NBL1: variants seen among roughly 807,000 people sequenced by gnomAD.
NBL1 encodes NBL1, DAN family BMP antagonist.
Under a neutral mutation model 16.0 loss-of-function variants are expected in NBL1, and 9 were observed. The observed-to-expected ratio is 0.56, with a 90% CI of 0.34 to 0.98. The LOEUF (loss-of-function observed/expected upper bound fraction) is 0.98. Among genes scored for constraint, NBL1 ranks in the 50% least tolerant of loss-of-function variants. The pLI is 0.02. For synonymous variants in NBL1, 86 were observed against 100.7 expected (o/e 0.85, Z 0.87); for missense variants, 196 against 243.1 (o/e 0.81, Z 1.29).
At chr1:19,647,872 TGTGTGTGTGTGC>T (rs1558360892) in intron 1 of NBL1, among the ~76,000 whole-genome samples, 6 of 147,732 alleles carry the variant, frequency 4.1e-5, no homozygotes, top group African/African-American at 1.6e-4. Context: ...TGTGCGTGTG[TGTGTGTGTGTGC>T]GTGTGCGCGC....
intron 1 of NBL1, among the ~76,000 whole-genome samples, chr1:19,649,144 C>T (rs2095005817): frequency 6.6e-6 from 1 of 152,062 alleles, no homozygotes; most frequent in South Asian, 2.1e-4. Flanking sequence ...GGTTAACCTG[C>T]TACCCTCCAG....
chr1:19,646,080 C>A lies in NBL1; in HGVS notation c.-20+1634C>A. ...GTTTGGGGGCTGGCACAGAGGTGGT[C>A]AGGGCTGGAAGATGCAGGCAGGCCT... On this transcript the variant is annotated intron_variant, in intron 1 of 3. Transcript: ENST00000375136. 2.6e-6 allele frequency: 4 copies of A among 1,547,254 alleles called. No individual in the cohort carries two copies. The South Asian group carries it at 4.8e-5, about 18-fold the overall frequency.
At position 19,657,371 on chromosome 1, in the gene NBL1, G is replaced by GGC. The variant is rs66480868; in HGVS notation, c.*243_*244insCG. ...CAGAGGTCTTCAGGGCTCTTTTTTTGGGGGGGGTGGTCTCTTCCTGTCTGG... is the reference window on the plus strand; with the variant it reads ...CAGAGGTCTTCAGGGCTCTTTTTTTGGCGGGGGGGTGGTCTCTTCCTGTCTGG... On this transcript the variant is annotated 3_prime_UTR_variant, in exon 4 of 4. Coordinates refer to ENST00000375136, the MANE Select transcript of NBL1 (RefSeq NM_005380.8). The GGC allele has an allele frequency of 1.3e-4, 16 of 126,988 alleles. No homozygotes were observed. The highest frequency in any genetic ancestry group is 4.4e-4 in the Admixed American group (3 of 6,818). 7.9% of individuals were successfully genotyped at this position (126,988 alleles called of 1,614,324 possible).
rs36030380 is a variant in NBL1, at chr1:19,649,347, A to AATTATT, written c.-20+4923_-20+4928dup. On this transcript the variant is annotated intron_variant, in intron 1 of 3. Transcript: ENST00000375136. ...CACGTACACAATGGTGCTGCCATAA[A>AATTATT]ATTATTATTATTATTATTATTATTA... 8.6e-3 allele frequency among the ~76,000 whole-genome samples: 1,273 copies of AATTATT among 148,626 alleles called. 5 individuals are homozygous for AATTATT. The highest frequency in any genetic ancestry group is 0.017 in the Middle Eastern group (5 of 286).
At chr1:19,647,856 TGTGTGTGTGC>T (rs923341730) in intron 1 of NBL1, among the ~76,000 whole-genome samples, 8 of 138,164 alleles carry the variant, frequency 5.8e-5, no homozygotes, top group South Asian at 2.3e-4. Flanking sequence ...GCCTGGTGTG[TGTGTGTGTGC>T]GTGTGTGTGT....
intron 1 of NBL1, chr1:19,645,510 G>A (rs2094973461): frequency 4.0e-6 from 4 of 1,000,750 alleles, no homozygotes; most frequent in Admixed American, 5.3e-5. Flanking sequence ...CTGTAACTAG[G>A]GGCACCCCAG....
intron 3 of NBL1, 141 bp from the exon 4 acceptor site, chr1:19,656,725 C>T: frequency 5.8e-6 from 8 of 1,379,476 alleles, no homozygotes; most frequent in Non-Finnish European, 7.6e-6. Flanking sequence ...TTTCCCCCTC[C>T]CCATGGGACC....
chr1:19,653,001 A>G (rs1331115614), intron 1 of NBL1, among the ~76,000 whole-genome samples: 1 of 141,366 alleles, frequency 7.1e-6, no homozygotes, highest in Non-Finnish European at 1.5e-5. Flanking sequence ...AAAATAGATA[A>G]GTAAGGCCGG....
upstream of NBL1, chr1:19,643,907 C>A (rs187817660): frequency 2.0e-3 from 1,990 of 987,456 alleles, 21 homozygotes; most frequent in African/African-American, 0.032. This position sits in a 1 kb window ranked among gnomAD's most constrained non-coding sequence, Gnocchi z 4.7. Flanking sequence ...AAGGACACAT[C>A]CATCTTTGTC....
At position 19,656,994 on chromosome 1, in the gene NBL1, G is replaced by A; in HGVS notation, c.411G>A (p.Gln137=). The change falls in exon 4 of 4, where the codon CAG becomes CAA. Residue 137 remains glutamine, a synonymous_variant. Transcript: ENST00000375136. ...ACGAGGGGCTGAGCGTCTATGTGCA[G>A]GGCGAGGACGGGCCGGGATCCCAGC... ...PSHEGLSVYV[Q]GEDGPGSQPG... The A allele has an allele frequency of 6.3e-7, 1 of 1,597,732 alleles. No homozygotes were observed. Among genetic ancestry groups the A allele is most frequent in the South Asian group, 1.1e-5 (1 of 88,686 alleles).
At chr1:19,648,444 G>A (rs960889812) in intron 1 of NBL1, among the ~76,000 whole-genome samples, 8 of 152,224 alleles carry the variant, frequency 5.3e-5, no homozygotes, top group African/African-American at 1.9e-4. Context: ...AGGAGGGCCG[G>A]GCCCCGGCGT....
Position 19,644,815 on chromosome 1 carries a change from G to A in NBL1, c.-20+369G>A, listed in dbSNP as rs1343151550. 6.6e-6 allele frequency among the ~76,000 whole-genome samples: 1 copy of A among 151,466 alleles called. No homozygotes were observed. Among genetic ancestry groups the A allele is most frequent in the Non-Finnish European group, 1.5e-5 (1 of 67,776 alleles). On this transcript the variant is annotated intron_variant, in intron 1 of 3. Coordinates refer to ENST00000375136, the MANE Select transcript of NBL1 (RefSeq NM_005380.8). This position sits in a 1 kb window ranked among gnomAD's most constrained non-coding sequence, Gnocchi z 4.6. Reference sequence around the variant, plus strand: ...CTCGCATGTCCCCCGGCCGTGCCCGGGCCTCGCCGCGCCGCGCCTCTCGGC... The same window carrying A: ...CTCGCATGTCCCCCGGCCGTGCCCGAGCCTCGCCGCGCCGCGCCTCTCGGC...
chr1:19,643,982 C>A, upstream of NBL1: 1 of 985,440 alleles, frequency 1.0e-6, no homozygotes. The surrounding 1 kb of genome is among the most constrained non-coding windows in gnomAD (Gnocchi z 4.7). Flanking sequence ...AGAGTGGAAG[C>A]GCAGAGAAAC....
At chr1:19,643,943 G>A (rs2094961607), upstream of NBL1, 9 of 985,958 alleles carry the variant, frequency 9.1e-6, no homozygotes, top group African/African-American at 3.5e-5. This position sits in a 1 kb window ranked among gnomAD's most constrained non-coding sequence, Gnocchi z 4.7. Context: ...ACGGCCTGAC[G>A]GCCCAGGCTC....
At chr1:19,648,992 G>A (rs2100409918) in intron 1 of NBL1, among the ~76,000 whole-genome samples, 1 of 152,288 alleles carries the variant, frequency 6.6e-6, no homozygotes, top group South Asian at 2.1e-4. Flanking sequence ...GGCAGTGGCT[G>A]AACGCTAGGG....
chr1:19,647,194 G>A (rs2094985972), intron 1 of NBL1, among the ~76,000 whole-genome samples: 1 of 152,154 alleles, frequency 6.6e-6, no homozygotes, highest in Non-Finnish European at 1.5e-5. Context: ...AGTGATCCTA[G>A]TGCTTTGGGA....
intron 1 of NBL1, among the ~76,000 whole-genome samples, chr1:19,654,367 C>A (rs1025834581): frequency 6.6e-6 from 1 of 152,218 alleles, no homozygotes; most frequent in African/African-American, 2.4e-5. Context: ...CATGCCACTG[C>A]ACTCCAGCGT....
At chr1:19,643,504 A>AGCACACAGAAT, upstream of NBL1, 2 of 1,531,270 alleles carry the variant, frequency 1.3e-6, no homozygotes, top group Non-Finnish European at 1.8e-6. This position sits in a 1 kb window ranked among gnomAD's most constrained non-coding sequence, Gnocchi z 4.7. Flanking sequence ...CCCGTTGTTA[A>AGCACACAGAAT]GCACACAGAA....
chr1:19,647,526 AC>A (rs1389425400), intron 1 of NBL1: 2 of 799,788 alleles, frequency 2.5e-6, no homozygotes, highest in African/African-American at 3.7e-5. Flanking sequence ...GGAGAGCCAG[AC>A]CCTGCCCTTA....
Sources: gnomAD v4.1 joint callset for allele counts (sites outside exome capture counted in the v4.1 genomes callset) on GRCh38, gnomAD v4.1.1 for gene constraint, Gnocchi (gnomAD v3.1) non-coding constraint, MANE v1.5 for transcripts, NCBI Gene and HGNC (gene_info 2026-07-23, HGNC 2026-07-21) for gene names.